Variants in LPP observed in about 807,000 individuals in gnomAD.
The protein encoded by LPP is LIM domain containing preferred translocation partner in lipoma, also known as lipoma-preferred partner.
In LPP, 38 loss-of-function variants were observed where a neutral mutation model predicts 60.4. That is an observed-to-expected ratio of 0.63 (90% CI 0.49 to 0.83). The LOEUF (loss-of-function observed/expected upper bound fraction) is 0.83. LPP is among the 40% of genes least tolerant of loss of function. The probability of loss-of-function intolerance (pLI) is 0.00; values close to 1 mark genes in which losing one functional copy is unlikely to be tolerated. For synonymous variants in LPP, 328 were observed against 290.8 expected (o/e 1.13, Z -1.30); for missense variants, 902 against 783.6 (o/e 1.15, Z -1.80).
intron 9 of LPP, among the ~76,000 whole-genome samples, chr3:188,789,940 T>C (rs959249367): frequency 6.6e-6 from 1 of 152,230 alleles, no homozygotes; most frequent in African/African-American, 2.4e-5. Flanking sequence ...GGGAAGCATG[T>C]ACTCACATGG....
intron 4 of LPP, among the ~76,000 whole-genome samples, chr3:188,482,085 A>T (rs1465060578): frequency 2.0e-5 from 3 of 152,080 alleles, no homozygotes; most frequent in Non-Finnish European, 4.4e-5. Context: ...TTAAACTTAT[A>T]TGGCAGTTCC....
intron 9 of LPP, among the ~76,000 whole-genome samples, chr3:188,846,683 CAAA>C (rs34230552): frequency 1.1e-4 from 9 of 84,568 alleles, no homozygotes; most frequent in African/African-American, 2.4e-4. Flanking sequence ...GATTCCATCT[CAAA>C]AAAAAAAAAA....
intron 2 of LPP, among the ~76,000 whole-genome samples, chr3:188,312,533 A>T (rs1553858701): frequency 6.6e-6 from 1 of 151,934 alleles, no homozygotes; most frequent in Non-Finnish European, 1.5e-5. Context: ...TGCCTTCCCC[A>T]CTTTGTGATA....
At chr3:188,362,989 A>G (rs1769957492) in intron 3 of LPP, among the ~76,000 whole-genome samples, 1 of 152,060 alleles carries the variant, frequency 6.6e-6, no homozygotes, top group African/African-American at 2.4e-5. Flanking sequence ...TTGAGACCCA[A>G]CTGTTTTTTA....
rs369856272 is a variant in LPP, at chr3:188,298,059, G to C, written c.-66-43604G>C. ...TTACCTACTGTTATCTTTTTTCCAA[G>C]TTAATAAACTGAATATATTGTATAG... On this transcript the variant is annotated intron_variant, in intron 2 of 11. Transcript: ENST00000617246. 3.1e-4 allele frequency among the ~76,000 whole-genome samples: 47 copies of C among 152,270 alleles called. No individual in the cohort carries two copies. In the South Asian group the frequency reaches 9.7e-3, roughly 32 times the overall value.
chr3:188,187,755 G>A (rs1394702381), intron 1 of LPP, among the ~76,000 whole-genome samples: 2 of 152,030 alleles, frequency 1.3e-5, no homozygotes, highest in Admixed American at 1.3e-4. Context: ...TATGGTTTCA[G>A]ATATTTCCAG....
intron 9 of LPP, among the ~76,000 whole-genome samples, chr3:188,788,318 G>A (rs1386277671): frequency 6.6e-6 from 1 of 152,156 alleles, no homozygotes; most frequent in East Asian, 1.9e-4. Flanking sequence ...AAAACAGAGA[G>A]ATTGTCTCAT....
At chr3:188,658,755 C>T (rs368949821) in intron 7 of LPP, among the ~76,000 whole-genome samples, 1 of 152,320 alleles carries the variant, frequency 6.6e-6, no homozygotes, top group East Asian at 1.9e-4. Flanking sequence ...AAGGGACTTT[C>T]ACTGGACATT....
intron 2 of LPP, among the ~76,000 whole-genome samples, chr3:188,327,149 T>G (rs1156955880): frequency 2.0e-5 from 3 of 152,210 alleles, no homozygotes; most frequent in Non-Finnish European, 4.4e-5. Flanking sequence ...ATTTCATTCC[T>G]GGCCAAAGAC....
intron 9 of LPP, among the ~76,000 whole-genome samples, chr3:188,828,902 A>G (rs1219691470): frequency 6.6e-6 from 1 of 152,176 alleles, no homozygotes; most frequent in East Asian, 1.9e-4. Context: ...TAGTGTGAAT[A>G]TATGTATGCG....
intron 4 of LPP, among the ~76,000 whole-genome samples, chr3:188,429,245 A>T (rs1790292098): frequency 6.6e-6 from 1 of 152,214 alleles, no homozygotes; most frequent in Non-Finnish European, 1.5e-5. Context: ...TGCAAAACTG[A>T]TGCCCTTAAT....
At chr3:188,796,845 T>C (rs1745502751) in intron 9 of LPP, among the ~76,000 whole-genome samples, 1 of 152,174 alleles carries the variant, frequency 6.6e-6, no homozygotes, top group East Asian at 1.9e-4. Flanking sequence ...GCCAGGATAC[T>C]TTCCATTTTT....
At chr3:188,727,026 A>G (rs953970233) in intron 8 of LPP, among the ~76,000 whole-genome samples, 1 of 152,284 alleles carries the variant, frequency 6.6e-6, no homozygotes, top group Admixed American at 6.5e-5. Flanking sequence ...CAAGGAAGTC[A>G]GTTATTCAAG....
intron 9 of LPP, among the ~76,000 whole-genome samples, chr3:188,859,133 A>ATATTGAG (rs1764574594): frequency 6.6e-6 from 1 of 150,916 alleles, no homozygotes; most frequent in Non-Finnish European, 1.5e-5. Context: ...ATGTCTGGCA[A>ATATTGAG]TATTGAGTTC....
chr3:188,579,714 C>T (rs780437250), intron 6 of LPP, among the ~76,000 whole-genome samples: 4 of 150,470 alleles, frequency 2.7e-5, no homozygotes, highest in Non-Finnish European at 4.4e-5. Flanking sequence ...AATCTGAGCT[C>T]TTTGGGATGC....
At chr3:188,371,076 A>G (rs1193759381) in intron 3 of LPP, among the ~76,000 whole-genome samples, 1 of 152,128 alleles carries the variant, frequency 6.6e-6, no homozygotes, top group Admixed American at 6.5e-5. Context: ...TATACCACGA[A>G]CATCTTCAAT....
chr3:188,511,064 T>C (rs553404272), intron 5 of LPP, among the ~76,000 whole-genome samples: 120 of 130,190 alleles, frequency 9.2e-4, no homozygotes, highest in African/African-American at 3.2e-3. Flanking sequence ...TCTCCCTCCT[T>C]TCCTTTCTTT....
intron 9 of LPP, among the ~76,000 whole-genome samples, chr3:188,812,774 CCTCT>C (rs35953542): frequency 9.1e-4 from 135 of 148,050 alleles, no homozygotes; most frequent in Admixed American, 9.5e-4. Context: ...TCTCACTCTC[CCTCT>C]CTCTCTCTCT....
intron 7 of LPP, among the ~76,000 whole-genome samples, chr3:188,652,376 T>C (rs1580708547): frequency 6.6e-6 from 1 of 152,272 alleles, no homozygotes; most frequent in South Asian, 2.1e-4. Context: ...CTTTCCTTGT[T>C]TCTGATACCA....
Sources: allele counts gnomAD v4.1 joint callset (sites outside exome capture counted in the v4.1 genomes callset), GRCh38; gene constraint gnomAD v4.1.1; transcripts MANE v1.5; gene names NCBI Gene and HGNC (gene_info 2026-07-23, HGNC 2026-07-21).